Variants in DLGAP2 observed in about 807,000 individuals in gnomAD.
DLGAP2 encodes DLG associated protein 2, also known as disks large-associated protein 2.
In DLGAP2, 26 loss-of-function variants were observed where a neutral mutation model predicts 100.3. The observed-to-expected ratio is 0.26, with a 90% confidence interval of 0.19 to 0.36. The LOEUF (loss-of-function observed/expected upper bound fraction) is 0.36. Among genes scored for constraint, DLGAP2 ranks in the 10% least tolerant of loss-of-function variants. The pLI is 1.00. For synonymous variants in DLGAP2, 886 were observed against 630.1 expected (o/e 1.41, Z -6.08); for missense variants, 1,858 against 1,453.2 (o/e 1.28, Z -4.53).
At chr8:794,867 G>A (rs1795991919) in intron 1 of DLGAP2, among the ~76,000 whole-genome samples, 1 of 152,174 alleles carries the variant, frequency 6.6e-6, no homozygotes, top group East Asian at 1.9e-4. Flanking sequence ...TGGCCTGTGG[G>A]TGGCGGGTAT....
At chr8:964,628 C>T (rs1408677976) in intron 2 of DLGAP2, among the ~76,000 whole-genome samples, 2 of 152,364 alleles carry the variant, frequency 1.3e-5, no homozygotes, top group Non-Finnish European at 2.9e-5. Flanking sequence ...CATCCTGGGG[C>T]CTCGGCCTCC....
chr8:1,516,850 A>T (rs1486472427), intron 4 of DLGAP2, among the ~76,000 whole-genome samples: 1 of 152,204 alleles, frequency 6.6e-6, no homozygotes, highest in Non-Finnish European at 1.5e-5. Context: ...TTTTGTGCTG[A>T]AATTAGTTTT....
chr8:1,233,638 C>A (rs1020487052), intron 2 of DLGAP2, among the ~76,000 whole-genome samples: 1 of 152,124 alleles, frequency 6.6e-6, no homozygotes, highest in Non-Finnish European at 1.5e-5. Flanking sequence ...ATGGGCAAGA[C>A]TTGCTAAGCT....
chr8:1,362,982 A>T lies in DLGAP2; in HGVS notation c.106+104099A>T, dbSNP rs1265604319. 2.0e-5 allele frequency among the ~76,000 whole-genome samples: 3 copies of T among 152,174 alleles called. No homozygotes were observed. In the East Asian group the frequency reaches 5.8e-4, roughly 29 times the overall value. ...GGGGATTTGAGGGCCTGGGGCAGCC[A>T]TGGAGGAAGCCACATCTCAGCCCCA... is the stretch of plus-strand genomic sequence containing the variant. On this transcript the variant is annotated intron_variant, in intron 3 of 14. Coordinates refer to ENST00000637795, the MANE Select transcript of DLGAP2 (RefSeq NM_001346810.2).
intron 1 of DLGAP2, among the ~76,000 whole-genome samples, chr8:906,881 A>G (rs1389591114): frequency 6.6e-6 from 1 of 152,216 alleles, no homozygotes; most frequent in Non-Finnish European, 1.5e-5. Context: ...AGAGTTGAAA[A>G]TTGGTGATAC....
rs1379409501 is a variant in DLGAP2, at chr8:1,689,658, AATCATCAGCTTGGCCAGAAGACGCAG to A, written c.2705-1874_2705-1849del. On this transcript the variant is annotated intron_variant, in intron 12 of 14. Coordinates refer to ENST00000637795, the MANE Select transcript of DLGAP2 (RefSeq NM_001346810.2). ...CAGGGAGAGCAAAAAGAGCAGGTGGAATCATCAGCTTGGCCAGAAGACGCAGATGACGCCCCGTGAGCCAGCTCAGG... is the reference window on the plus strand; with the variant it reads ...CAGGGAGAGCAAAAAGAGCAGGTGGAATGACGCCCCGTGAGCCAGCTCAGG... 2.0e-5 allele frequency among the ~76,000 whole-genome samples: 3 copies of A among 152,098 alleles called. No individual in the cohort carries two copies. The East Asian group carries it at 5.8e-4, about 30-fold the overall frequency.
At chr8:940,883 G>A (rs371878952) in intron 2 of DLGAP2, among the ~76,000 whole-genome samples, 2 of 152,106 alleles carry the variant, frequency 1.3e-5, no homozygotes, top group South Asian at 2.1e-4. Context: ...CAGGCTGCTC[G>A]GGAGGCTGAG....
At chr8:819,959 T>C (rs1219476235) in intron 1 of DLGAP2, among the ~76,000 whole-genome samples, 2 of 152,164 alleles carry the variant, frequency 1.3e-5, no homozygotes. Flanking sequence ...AGTTAACCTA[T>C]AAGAACAAAT....
intron 3 of DLGAP2, among the ~76,000 whole-genome samples, chr8:1,437,422 G>T (rs1011617694): frequency 6.6e-5 from 10 of 152,196 alleles, no homozygotes; most frequent in African/African-American, 2.4e-4. Flanking sequence ...TGTAATGATG[G>T]AACGTAGAAC....
chr8:1,353,092 C>T (rs1025694649), intron 3 of DLGAP2, among the ~76,000 whole-genome samples: 1 of 152,172 alleles, frequency 6.6e-6, no homozygotes, highest in Non-Finnish European at 1.5e-5. Flanking sequence ...GAAGGACCCC[C>T]CCGAGGTCAG....
intron 1 of DLGAP2, among the ~76,000 whole-genome samples, chr8:770,647 G>A (rs1422976083): frequency 1.3e-5 from 2 of 152,108 alleles, no homozygotes; most frequent in Admixed American, 6.5e-5. Flanking sequence ...AAGATTCGGT[G>A]GCGTCTCTCC....
rs565743299 is a variant in DLGAP2 at position 1,675,514 on chromosome 8, C to T, written c.2203-1019C>T. On this transcript the variant is annotated intron_variant, in intron 10 of 14. Transcript: ENST00000637795. The stretch of plus-strand genomic sequence containing the variant: ...TTAGCCACAAATCTGAGCCAGTCCT[C>T]GTTGACACAGGCTTAACCTTAGGAT... Among the ~76,000 whole-genome samples, 19 of 152,332 alleles carry T rather than the reference C, an allele frequency of 1.2e-4. 1 individual carries two copies. The South Asian group carries it at 3.7e-3, about 30-fold the overall frequency.
intron 2 of DLGAP2, among the ~76,000 whole-genome samples, chr8:1,122,669 A>G (rs527708363): frequency 1.3e-5 from 2 of 152,202 alleles, no homozygotes; most frequent in African/African-American, 4.8e-5. Flanking sequence ...CTCTTTGAAG[A>G]ATTATTTTTT....
chr8:1,113,297 A>G (rs1057059248), intron 2 of DLGAP2, among the ~76,000 whole-genome samples: 5 of 152,194 alleles, frequency 3.3e-5, no homozygotes, highest in Non-Finnish European at 5.9e-5. Context: ...TTTGGGCAGT[A>G]TGGCCATTTT....
At chr8:761,487 T>C (rs1328382256) in intron 1 of DLGAP2, among the ~76,000 whole-genome samples, 2 of 152,250 alleles carry the variant, frequency 1.3e-5, no homozygotes, top group Non-Finnish European at 2.9e-5. Flanking sequence ...TAGTTTTTTA[T>C]ATCTACATGG....
chr8:1,585,502 G>T (rs1346336465), intron 6 of DLGAP2, among the ~76,000 whole-genome samples: 1 of 152,202 alleles, frequency 6.6e-6, no homozygotes, highest in Non-Finnish European at 1.5e-5. Flanking sequence ...GGGCTGTAGT[G>T]AGTGCTGTCT....
At chr8:896,197 C>T in intron 1 of DLGAP2, among the ~76,000 whole-genome samples, 1 of 122,106 alleles carries the variant, frequency 8.2e-6, no homozygotes, top group South Asian at 3.1e-4. Context: ...TGTCAATCCC[C>T]AGGGTTTGTT....
At position 1,706,040 on chromosome 8, in the gene DLGAP2, C is replaced by A. The variant is rs550278315; in HGVS notation, c.*4634C>A. Reference sequence around the variant, plus strand: ...GAGCCCATGGCTTCCCTGCAGGAGCCCCATCTTGTCGCTATTAGTTGGGAG... The same window carrying A: ...GAGCCCATGGCTTCCCTGCAGGAGCACCATCTTGTCGCTATTAGTTGGGAG... On this transcript the variant is annotated 3_prime_UTR_variant, in exon 15 of 15. Coordinates refer to ENST00000637795, the MANE Select transcript of DLGAP2 (RefSeq NM_001346810.2). The A allele has an allele frequency of 1.3e-5, 2 of 152,308 alleles. No homozygotes were observed. The highest frequency in any genetic ancestry group is 6.8e-3 in the Middle Eastern group (2 of 296). The allele number at this position is 152,308 out of a possible 1,614,324, so 9.4% of individuals were successfully genotyped here. A position where few individuals can be genotyped will look rare whatever the true frequency, so the allele number is the denominator to read the frequency against.
chr8:907,781 G>C, intron 1 of DLGAP2, 131 bp from the exon 2 acceptor site: 1 of 392,950 alleles, frequency 2.5e-6, no homozygotes, highest in Non-Finnish European at 4.5e-6. Context: ...AATTTGTTAG[G>C]CCTTTCTGGG....
Sources: allele counts gnomAD v4.1 joint callset (sites outside exome capture counted in the v4.1 genomes callset), GRCh38; gene constraint gnomAD v4.1.1; transcripts MANE v1.5; gene names NCBI Gene and HGNC (gene_info 2026-07-23, HGNC 2026-07-21).